SLC35F3: variants seen among roughly 807,000 people sequenced by gnomAD.
SLC35F3 encodes putative thiamine transporter SLC35F3.
In SLC35F3, 25 loss-of-function variants were observed where a neutral mutation model predicts 49.9. The ratio of observed to expected loss-of-function variants is 0.50; its 90% CI spans 0.37 to 0.70. The LOEUF is 0.70. Among genes scored for constraint, SLC35F3 ranks in the 30% least tolerant of loss-of-function variants. SLC35F3 has a pLI of 0.00. For missense variants in SLC35F3, 525 were observed against 639.8 expected (o/e 0.82, Z 1.94); for synonymous variants, 275 against 265.4 (o/e 1.04, Z -0.35).
chr1:233,949,913 T>C (rs907723086), intron 2 of SLC35F3, among the ~76,000 whole-genome samples: 2 of 152,056 alleles, frequency 1.3e-5, no homozygotes, highest in African/African-American at 4.8e-5. Flanking sequence ...AGAGATGCCC[T>C]GGGCACAGCA....
At chr1:234,082,055 C>T (rs758608280) in intron 2 of SLC35F3, among the ~76,000 whole-genome samples, 1 of 151,522 alleles carries the variant, frequency 6.6e-6, no homozygotes, top group Non-Finnish European at 1.5e-5. Flanking sequence ...GCGCCCAGCC[C>T]AAATTGGCAT....
At chr1:234,143,626 C>T (rs1412198176) in intron 2 of SLC35F3, among the ~76,000 whole-genome samples, 1 of 152,208 alleles carries the variant, frequency 6.6e-6, no homozygotes, top group East Asian at 1.9e-4. Flanking sequence ...GTATAAGTGA[C>T]AACATCTGGT....
At chr1:234,086,313 AG>A (rs1233466465) in intron 2 of SLC35F3, among the ~76,000 whole-genome samples, 1 of 152,210 alleles carries the variant, frequency 6.6e-6, no homozygotes, top group East Asian at 1.9e-4. Context: ...GAAATGAGTC[AG>A]GGGCTGAATG....
intron 3 of SLC35F3, among the ~76,000 whole-genome samples, chr1:234,266,080 A>G (rs929320443): frequency 6.6e-6 from 1 of 152,158 alleles, no homozygotes; most frequent in African/African-American, 2.4e-5. Flanking sequence ...GCATTGACAC[A>G]CTATTTACTC....
chr1:234,148,001 G>A (rs541771947), intron 2 of SLC35F3, among the ~76,000 whole-genome samples: 1 of 152,346 alleles, frequency 6.6e-6, no homozygotes, highest in Admixed American at 6.5e-5. Flanking sequence ...TCCCTGAACT[G>A]TAACTCACTG....
At chr1:233,922,410 TC>T (rs908073643) in intron 2 of SLC35F3, among the ~76,000 whole-genome samples, 19 of 152,150 alleles carry the variant, frequency 1.2e-4, no homozygotes, top group Admixed American at 2.6e-4. Context: ...GAGCATTTTT[TC>T]ATGTGTCTTT....
At chr1:234,154,025 G>A (rs1041260504) in intron 2 of SLC35F3, among the ~76,000 whole-genome samples, 7 of 150,598 alleles carry the variant, frequency 4.6e-5, no homozygotes, top group Non-Finnish European at 1.5e-5. Flanking sequence ...TCACACCACT[G>A]CACTCCAGCC....
chr1:234,201,301 A>G (rs1362041192), intron 2 of SLC35F3, among the ~76,000 whole-genome samples: 1 of 152,240 alleles, frequency 6.6e-6, no homozygotes, highest in Non-Finnish European at 1.5e-5. Context: ...AACATTTTGC[A>G]GTGAAAGTGA....
chr1:234,247,100 A>T (rs512025), intron 3 of SLC35F3, among the ~76,000 whole-genome samples: 1,671 of 152,178 alleles, frequency 0.011, 27 homozygotes, highest in African/African-American at 0.037. Context: ...CTTGAGCACC[A>T]GCAATGGTGT....
chr1:234,027,883 C>T lies in SLC35F3; in HGVS notation c.283+122125C>T, dbSNP rs1664001807. ...ATAAAGGAATAAGCCCGTGTAAAAG[C>T]GAGGTAATTTCAGCTGGTGATAGCA... is the stretch of plus-strand genomic sequence containing the variant. On this transcript the variant is annotated intron_variant, in intron 2 of 7. Transcript: ENST00000366618. This position sits in a 1 kb window ranked among gnomAD's most constrained non-coding sequence, Gnocchi z 4.1. Among the ~76,000 whole-genome samples the T allele has an allele frequency of 1.3e-5, 2 of 151,972 alleles. No homozygotes were observed. The highest frequency in any genetic ancestry group is 2.1e-4 in the South Asian group (1 of 4,820).
chr1:234,227,681 A>C (rs1667309151), intron 2 of SLC35F3, among the ~76,000 whole-genome samples: 1 of 152,048 alleles, frequency 6.6e-6, no homozygotes, highest in African/African-American at 2.4e-5. Flanking sequence ...TACAGGCGTG[A>C]GCCACCGTGC....
intron 2 of SLC35F3, among the ~76,000 whole-genome samples, chr1:233,948,914 G>A (rs1315959630): frequency 6.6e-6 from 1 of 152,128 alleles, no homozygotes; most frequent in Non-Finnish European, 1.5e-5. Context: ...CATTTTCTAA[G>A]CTGGGAGGCT....
chr1:234,170,281 C>A (rs545564315), intron 2 of SLC35F3, among the ~76,000 whole-genome samples: 174 of 152,196 alleles, frequency 1.1e-3, no homozygotes, highest in African/African-American at 4.0e-3. Flanking sequence ...GAGGGGGGCA[C>A]GGCAGCTCGT....
At chr1:233,991,926 G>T (rs922037038) in intron 2 of SLC35F3, among the ~76,000 whole-genome samples, 2 of 152,116 alleles carry the variant, frequency 1.3e-5, no homozygotes, top group Non-Finnish European at 2.9e-5. Context: ...ATAAGCCTGT[G>T]AATTTTCCTA....
At chr1:234,230,619 C>T (rs955211124) in intron 2 of SLC35F3, among the ~76,000 whole-genome samples, 3 of 152,214 alleles carry the variant, frequency 2.0e-5, no homozygotes, top group African/African-American at 7.2e-5. Flanking sequence ...CGCCTTTTCA[C>T]CTTCCTCTGG....
intron 2 of SLC35F3, among the ~76,000 whole-genome samples, chr1:233,959,148 A>G (rs1376241617): frequency 6.6e-6 from 1 of 152,198 alleles, no homozygotes; most frequent in African/African-American, 2.4e-5. Context: ...GAGTAACTCT[A>G]AAGCTTAGTC....
intron 2 of SLC35F3, among the ~76,000 whole-genome samples, chr1:234,095,742 G>A (rs545138491): frequency 1.4e-3 from 212 of 152,244 alleles, no homozygotes; most frequent in Middle Eastern, 6.8e-3. Flanking sequence ...CTTACTTGCT[G>A]GGGGAACTTC....
chr1:234,185,896 T>A (rs371168765), intron 2 of SLC35F3, among the ~76,000 whole-genome samples: 7 of 152,292 alleles, frequency 4.6e-5, no homozygotes, highest in African/African-American at 1.7e-4. Flanking sequence ...ATTCTAACCA[T>A]TTTTTTATCA....
chr1:233,905,488 C>A (rs377726718), intron 1 of SLC35F3, 41 bp from the exon 2 acceptor site: 1 of 1,448,870 alleles, frequency 6.9e-7, no homozygotes. Flanking sequence ...TGTCCATGCT[C>A]CCCCTGCCCA....
Sources: allele counts gnomAD v4.1 joint callset (sites outside exome capture counted in the v4.1 genomes callset), GRCh38; gene constraint gnomAD v4.1.1; non-coding constraint Gnocchi (gnomAD v3.1); transcripts MANE v1.5; gene names NCBI Gene and HGNC (gene_info 2026-07-23, HGNC 2026-07-21).